NTNG2: variants seen among roughly 807,000 people sequenced by gnomAD.
NTNG2 encodes netrin-G2.
In NTNG2, 15 loss-of-function variants were observed where a neutral mutation model predicts 47.6. That is an observed-to-expected ratio of 0.32 (90% CI 0.21 to 0.49). The LOEUF is 0.49. Ranked by LOEUF, NTNG2 falls within the 20% of genes least tolerant of loss-of-function variation. NTNG2 has a pLI of 0.99. For synonymous variants in NTNG2, 307 were observed against 324.6 expected, an observed-to-expected ratio of 0.95 and a Z score of 0.58; for missense variants, 578 against 764.6, an observed-to-expected ratio of 0.76 and a Z score of 2.88.
chr9:132,228,199 G>A (rs947132093), intron 4 of NTNG2, among the ~76,000 whole-genome samples: 2 of 152,264 alleles, frequency 1.3e-5, no homozygotes, highest in African/African-American at 4.8e-5. Context: ...AAAGATTTAT[G>A]TGACTTTAGG....
chr9:132,168,046 A>C (rs1415721931), intron 2 of NTNG2, among the ~76,000 whole-genome samples: 1 of 152,242 alleles, frequency 6.6e-6, no homozygotes, highest in Non-Finnish European at 1.5e-5. Flanking sequence ...AGGACCTGGC[A>C]CAGAGTAAGT....
Position 132,239,216 on chromosome 9 carries a change from G to A in NTNG2, c.1167G>A (p.Arg389=), listed in dbSNP as rs1369932322. Residue 389 remains arginine (R), a synonymous_variant, in exon 6 of 8, where the codon CGG becomes CGA. Transcript: ENST00000393229. ...GAGGTCAGCACTGCCAGCACTGCCG[G>A]CTGGGCTACTACCGCAACGGCTCGG... is the stretch of plus-strand genomic sequence containing the variant. ...NTRGQHCQHC[R]LGYYRNGSAE... 1.9e-6 allele frequency: 3 copies of A among 1,613,682 alleles called. No homozygotes were observed. Among genetic ancestry groups the A allele is most frequent in the Non-Finnish European group, 8.5e-7 (1 of 1,180,040 alleles).
intron 2 of NTNG2, among the ~76,000 whole-genome samples, chr9:132,195,401 C>T (rs992439644): frequency 9.2e-5 from 14 of 151,924 alleles, no homozygotes; most frequent in Non-Finnish European, 1.8e-4. Flanking sequence ...CTCCTCCTCC[C>T]GGGTTCATGC....
At chr9:132,165,611 A>G (rs943980848) in intron 1 of NTNG2, among the ~76,000 whole-genome samples, 2 of 152,230 alleles carry the variant, frequency 1.3e-5, no homozygotes, top group African/African-American at 4.8e-5. Flanking sequence ...TCATCTGTAC[A>G]TATAGGTATG....
At chr9:132,193,805 G>A (rs1297518684) in intron 2 of NTNG2, among the ~76,000 whole-genome samples, 2 of 152,148 alleles carry the variant, frequency 1.3e-5, no homozygotes, top group African/African-American at 4.8e-5. Flanking sequence ...CAACAAAAAT[G>A]TCTTTCCTTG....
intron 3 of NTNG2, among the ~76,000 whole-genome samples, chr9:132,200,485 G>T (rs1445896698): frequency 6.6e-6 from 1 of 152,240 alleles, no homozygotes; most frequent in Non-Finnish European, 1.5e-5. Context: ...ACAGACATTG[G>T]CTGTAAGTGT....
Position 132,241,016 on chromosome 9 carries a change from C to T in NTNG2, c.1329C>T (p.Pro443=). The change falls in exon 7 of 8, where the codon CCC becomes CCT. Residue 443 remains proline (P), a synonymous_variant. Transcript: ENST00000393229. Reference sequence around the variant, plus strand: ...GCCCCAAGTGCGACGACTGCCTCCCCACGCACTACTGGCGCCAGGGCTGCT... The same window carrying T: ...GCCCCAAGTGCGACGACTGCCTCCCTACGCACTACTGGCGCCAGGGCTGCT... ...AAGPKCDDCL[P]THYWRQGCYP... is the part of the protein sequence containing the mutation. 1 of 1,607,626 alleles carries T rather than the reference C, an allele frequency of 6.2e-7. No individual in the cohort carries two copies. The highest frequency in any genetic ancestry group is 8.5e-7 in the Non-Finnish European group (1 of 1,179,022).
At chr9:132,222,565 G>T (rs997948519) in intron 3 of NTNG2, among the ~76,000 whole-genome samples, 1 of 152,192 alleles carries the variant, frequency 6.6e-6, no homozygotes, top group Non-Finnish European at 1.5e-5. Flanking sequence ...GCTGGCCAGG[G>T]CTCTTGCTCT....
chr9:132,211,316 G>A (rs1435982741), intron 3 of NTNG2, among the ~76,000 whole-genome samples: 1 of 152,186 alleles, frequency 6.6e-6, no homozygotes, highest in Non-Finnish European at 1.5e-5. Context: ...CCCCCTAGAA[G>A]AGAGGTGCAG....
chr9:132,226,903 G>A lies in NTNG2; in HGVS notation c.912G>A (p.Gln304=). ...NLCSMREGSL[Q]CECEHNTTGP... is the part of the protein sequence containing the mutation. Reference sequence around the variant, plus strand: ...GCTCCATGCGCGAGGGCAGCCTGCAGTGCGAGTGCGAGCACAACACCACCG... The same window carrying A: ...GCTCCATGCGCGAGGGCAGCCTGCAATGCGAGTGCGAGCACAACACCACCG... Residue 304 remains glutamine (Q), a synonymous_variant, in exon 4 of 8, where the codon CAG becomes CAA. Transcript: ENST00000393229. This position sits in a 1 kb window ranked among gnomAD's most constrained non-coding sequence, Gnocchi z 4.8. 1.2e-6 allele frequency: 2 copies of A among 1,612,824 alleles called. No homozygotes were observed. Among genetic ancestry groups the A allele is most frequent in the Middle Eastern group, 1.7e-4 (1 of 6,046 alleles).
intron 3 of NTNG2, among the ~76,000 whole-genome samples, chr9:132,199,554 G>A (rs1462612271): frequency 6.6e-6 from 1 of 152,226 alleles, no homozygotes; most frequent in Non-Finnish European, 1.5e-5. Context: ...TGAAGCCTCA[G>A]TGTTCAGAGT....
rs1838367746 is a variant in NTNG2 at position 132,197,095 on chromosome 9, A to G, written c.214-871A>G. On this transcript the variant is annotated intron_variant, in intron 2 of 7. Transcript: ENST00000393229. The surrounding 1 kb of genome is among the most constrained non-coding windows in gnomAD (Gnocchi z 4.3). ...GTTCACCAATCCTAAGGGTACAGGTAAAAAGGCTCAGGGGCCGGGCGCAGT... is the reference window on the plus strand; with the variant it reads ...GTTCACCAATCCTAAGGGTACAGGTGAAAAGGCTCAGGGGCCGGGCGCAGT... Among the ~76,000 whole-genome samples the G allele has an allele frequency of 1.3e-5, 2 of 152,196 alleles. No individual in the cohort carries two copies. Among genetic ancestry groups the G allele is most frequent in the Admixed American group, 6.5e-5 (1 of 15,282 alleles).
chr9:132,173,498 C>T (rs572626172), intron 2 of NTNG2, among the ~76,000 whole-genome samples: 3 of 152,314 alleles, frequency 2.0e-5, no homozygotes, highest in Admixed American at 1.3e-4. Flanking sequence ...CAGACCTTTC[C>T]GGTCTGCGCA....
chr9:132,228,713 A>G (rs993006286), intron 4 of NTNG2, among the ~76,000 whole-genome samples: 3 of 152,098 alleles, frequency 2.0e-5, no homozygotes, highest in Non-Finnish European at 4.4e-5. Context: ...GCACACCACC[A>G]GGCCCAGCTA....
At chr9:132,201,534 G>A (rs1317284592) in intron 3 of NTNG2, among the ~76,000 whole-genome samples, 1 of 152,202 alleles carries the variant, frequency 6.6e-6, no homozygotes, top group Non-Finnish European at 1.5e-5. Flanking sequence ...TGGTGGCAAA[G>A]GGGGATGTGG....
chr9:132,227,437 G>GTGGCCCCCA (rs1840860587), intron 4 of NTNG2, among the ~76,000 whole-genome samples: 1 of 152,216 alleles, frequency 6.6e-6, no homozygotes, highest in South Asian at 2.1e-4. Context: ...AGGCTGGCAG[G>GTGGCCCCCA]TGGCCCCCAT....
chr9:132,227,464 A>G (rs1840863279), intron 4 of NTNG2, among the ~76,000 whole-genome samples: 1 of 152,150 alleles, frequency 6.6e-6, no homozygotes, highest in Non-Finnish European at 1.5e-5. Context: ...GCAGGGAGTG[A>G]TGGGGTGGGA....
intron 2 of NTNG2, among the ~76,000 whole-genome samples, chr9:132,168,610 T>A (rs1835668620): frequency 6.6e-6 from 1 of 151,880 alleles, no homozygotes; most frequent in Non-Finnish European, 1.5e-5. Flanking sequence ...TGGGGCTGGA[T>A]AGTCTGTGGC....
At chr9:132,232,415 C>G (rs1171593325) in intron 5 of NTNG2, 1 of 152,482 alleles carries the variant, frequency 6.6e-6, no homozygotes, top group African/African-American at 2.4e-5. Context: ...AGGCCAGGGC[C>G]AGACGTCCTG....
Sources: allele counts gnomAD v4.1 joint callset (sites outside exome capture counted in the v4.1 genomes callset), GRCh38; gene constraint gnomAD v4.1.1; non-coding constraint Gnocchi (gnomAD v3.1); transcripts MANE v1.5; gene names NCBI Gene and HGNC (gene_info 2026-07-23, HGNC 2026-07-21).